Variants in TMEM178B observed in about 807,000 individuals in gnomAD.
TMEM178B encodes transmembrane protein 178B.
TMEM178B carries 5 observed loss-of-function variants against 31.0 expected under a neutral mutation model. The ratio of observed to expected loss-of-function variants is 0.16; its 90% CI spans 0.08 to 0.34. The LOEUF (loss-of-function observed/expected upper bound fraction) is 0.34. Among genes scored for constraint, TMEM178B ranks in the 10% least tolerant of loss-of-function variants. The pLI is 1.00. For missense variants in TMEM178B, 275 were observed against 400.3 expected, an observed-to-expected ratio of 0.69 and a Z score of 2.67; for synonymous variants, 164 against 164.0, an observed-to-expected ratio of 1.00 and a Z score of 0.00.
At chr7:141,312,395 A>G (rs1204843375) in intron 2 of TMEM178B, among the ~76,000 whole-genome samples, 1 of 152,252 alleles carries the variant, frequency 6.6e-6, no homozygotes, top group Non-Finnish European at 1.5e-5. Flanking sequence ...TTCACATCTC[A>G]GTGAGAAACT....
In TMEM178B at chr7:141,239,164, C is replaced by T. The variant is rs559034661; in HGVS notation, c.496+26460C>T. Among the ~76,000 whole-genome samples, 12 of 152,254 alleles carry T rather than the reference C, an allele frequency of 7.9e-5. No homozygotes were observed. In the South Asian group the frequency reaches 1.7e-3, roughly 21 times the overall value. The stretch of plus-strand genomic sequence containing the variant: ...CTCTGTGCATGTGCATGTGTGGGGA[C>T]GTGTCACATGCATGCGTGCATATAC... On this transcript the variant is annotated intron_variant, in intron 2 of 3. Coordinates refer to ENST00000565468, the MANE Select transcript of TMEM178B (RefSeq NM_001195278.2).
chr7:141,114,068 A>G (rs1795278527), intron 1 of TMEM178B, among the ~76,000 whole-genome samples: 1 of 152,252 alleles, frequency 6.6e-6, no homozygotes, highest in Non-Finnish European at 1.5e-5. Context: ...ATCTGAAACC[A>G]GATGACCACA....
Position 141,344,634 on chromosome 7 carries a change from T to C in TMEM178B, c.497-92974T>C, listed in dbSNP as rs139013044. Among the ~76,000 whole-genome samples the C allele has an allele frequency of 1.7e-3, 247 of 142,038 alleles. No individual in the cohort carries two copies. The highest frequency in any genetic ancestry group is 6.5e-3 in the African/African-American group (238 of 36,746). 93.2% of individuals were successfully genotyped at this position (142,038 alleles called of 152,430 possible). A position where few individuals can be genotyped will look rare whatever the true frequency, so the allele number is the denominator to read the frequency against. On this transcript the variant is annotated intron_variant, in intron 2 of 3. Transcript: ENST00000565468. The surrounding 1 kb of genome is among the most constrained non-coding windows in gnomAD (Gnocchi z 4.1). ...TTCCTTCCTTCCTTCCTTCCTCCCTTCCTTCTTCCCTTCATCAAAAGACCT... is the reference window on the plus strand; with the variant it reads ...TTCCTTCCTTCCTTCCTTCCTCCCTCCCTTCTTCCCTTCATCAAAAGACCT...
At chr7:141,509,227 T>C in the TMEM178B span, among the ~76,000 whole-genome samples, 2 of 152,008 alleles carry the variant, frequency 1.3e-5, no homozygotes, top group Admixed American at 6.5e-5. Context: ...TGAAGATACA[T>C]GGTAAATATA....
chr7:141,391,942 C>T (rs1366649348), intron 2 of TMEM178B, among the ~76,000 whole-genome samples: 1 of 152,186 alleles, frequency 6.6e-6, no homozygotes, highest in African/African-American at 2.4e-5. Flanking sequence ...GCGGATACAT[C>T]AGTTGCTTCC....
chr7:141,503,389 CT>C, the TMEM178B span, among the ~76,000 whole-genome samples: 1 of 152,216 alleles, frequency 6.6e-6, no homozygotes, highest in Non-Finnish European at 1.5e-5. Flanking sequence ...GTGCCAAAGC[CT>C]ATGCTGGTAG....
rs565807610 is a variant in TMEM178B, at chr7:141,343,657, C to A, written c.497-93951C>A. 5.4e-4 allele frequency among the ~76,000 whole-genome samples: 81 copies of A among 149,898 alleles called. No homozygotes were observed. In the South Asian group the frequency reaches 0.017, roughly 31 times the overall value. On this transcript the variant is annotated intron_variant, in intron 2 of 3. Transcript: ENST00000565468. ...CTCCACCCCACCGGGTTACACCATT[C>A]TCTTGCCTCAGCCTCCCGAGTAGCT...
At chr7:141,238,434 G>C (rs1328492314) in intron 2 of TMEM178B, among the ~76,000 whole-genome samples, 2 of 152,154 alleles carry the variant, frequency 1.3e-5, no homozygotes, top group Non-Finnish European at 2.9e-5. Context: ...GTGCGATAGA[G>C]AGCCGTGCTT....
rs541974543 is a variant in TMEM178B at position 141,322,392 on chromosome 7, A to G, written c.496+109688A>G. Among the ~76,000 whole-genome samples the G allele has an allele frequency of 2.6e-5, 4 of 151,284 alleles. No individual in the cohort carries two copies. The South Asian group carries it at 6.3e-4, about 24-fold the overall frequency. ...AAAAAAAAAAAAAAATTAGCCGGGCATGGTGGCATATGCCTGTAGTCAGTC... is the reference window on the plus strand; with the variant it reads ...AAAAAAAAAAAAAAATTAGCCGGGCGTGGTGGCATATGCCTGTAGTCAGTC... On this transcript the variant is annotated intron_variant, in intron 2 of 3. Coordinates refer to ENST00000565468, the MANE Select transcript of TMEM178B (RefSeq NM_001195278.2).
At chr7:141,085,423 G>T (rs1294585314) in intron 1 of TMEM178B, among the ~76,000 whole-genome samples, 2 of 152,130 alleles carry the variant, frequency 1.3e-5, no homozygotes, top group African/African-American at 4.8e-5. Context: ...AAGTTTGACA[G>T]ATTTGCTGCT....
chr7:141,135,072 C>T (rs1795654698), intron 1 of TMEM178B, among the ~76,000 whole-genome samples: 1 of 152,204 alleles, frequency 6.6e-6, no homozygotes, highest in South Asian at 2.1e-4. Flanking sequence ...ATGTGACTTG[C>T]TCCTTCTTGC....
chr7:141,127,224 T>C (rs1449779041), intron 1 of TMEM178B, among the ~76,000 whole-genome samples: 1 of 152,198 alleles, frequency 6.6e-6, no homozygotes, highest in African/African-American at 2.4e-5. Flanking sequence ...TTAGCTCGGA[T>C]AGACCTTTTG....
chr7:141,195,936 G>A (rs1438654360), intron 1 of TMEM178B, among the ~76,000 whole-genome samples: 1 of 152,076 alleles, frequency 6.6e-6, no homozygotes, highest in East Asian at 1.9e-4. Flanking sequence ...ACTATCACAA[G>A]AATAGCACAG....
chr7:141,124,702 G>A (rs1297947901), intron 1 of TMEM178B, among the ~76,000 whole-genome samples: 1 of 152,278 alleles, frequency 6.6e-6, no homozygotes, highest in African/African-American at 2.4e-5. Context: ...TGACTCCAAT[G>A]CCTAACATAT....
chr7:141,239,751 G>T (rs1364278662), intron 2 of TMEM178B, among the ~76,000 whole-genome samples: 1 of 152,156 alleles, frequency 6.6e-6, no homozygotes, highest in Non-Finnish European at 1.5e-5. Flanking sequence ...TGATGGTCCT[G>T]GTCACTGTTA....
At chr7:141,250,329 G>A (rs1057026895) in intron 2 of TMEM178B, among the ~76,000 whole-genome samples, 3 of 152,182 alleles carry the variant, frequency 2.0e-5, no homozygotes, top group Admixed American at 2.0e-4. Context: ...CCACTTTATA[G>A]ATGAGAAAAT....
intron 2 of TMEM178B, among the ~76,000 whole-genome samples, chr7:141,339,996 G>A (rs1355687373): frequency 6.6e-6 from 1 of 152,232 alleles, no homozygotes; most frequent in East Asian, 1.9e-4. Flanking sequence ...GTACTGTGTG[G>A]ACAGAATAAT....
intron 2 of TMEM178B, among the ~76,000 whole-genome samples, chr7:141,339,871 G>A (rs1302921629): frequency 2.0e-5 from 3 of 152,232 alleles, no homozygotes; most frequent in Non-Finnish European, 4.4e-5. Flanking sequence ...CAAAGAGCAG[G>A]ATATTTGTCT....
intron 2 of TMEM178B, among the ~76,000 whole-genome samples, chr7:141,218,786 A>G (rs1797204613): frequency 4.0e-5 from 6 of 151,716 alleles, no homozygotes; most frequent in Admixed American, 1.3e-4. Flanking sequence ...TCCCCTCCCC[A>G]CTGGCATCAA....
Sources: gnomAD v4.1 joint callset for allele counts (sites outside exome capture counted in the v4.1 genomes callset) on GRCh38, gnomAD v4.1.1 for gene constraint, Gnocchi (gnomAD v3.1) non-coding constraint, MANE v1.5 for transcripts, NCBI Gene and HGNC (gene_info 2026-07-23, HGNC 2026-07-21) for gene names.